Variants in IGSF3 observed in about 807,000 individuals in gnomAD.
The protein encoded by IGSF3 is glu-Trp-Ile EWI motif-containing protein 3.
A neutral mutation model predicts 114.4 loss-of-function variants in IGSF3; 23 were observed. That is an observed-to-expected ratio of 0.20 (90% CI 0.14 to 0.28). The LOEUF is 0.28. IGSF3 is among the 10% of genes least tolerant of loss of function. The pLI, the probability that IGSF3 is intolerant of heterozygous loss-of-function variation, is 1.00. For missense variants in IGSF3, 1,172 were observed against 1,591.5 expected (o/e 0.74, Z 4.48); for synonymous variants, 571 against 645.2 (o/e 0.88, Z 1.74).
In IGSF3 at chr1:116,592,924, C is replaced by G. The variant is rs1334767372; in HGVS notation, c.2030-3820G>C. On this transcript the variant is annotated intron_variant, in intron 7 of 10. Coordinates refer to ENST00000369486, the MANE Select transcript of IGSF3 (RefSeq NM_001007237.3). This position sits in a 1 kb window ranked among gnomAD's most constrained non-coding sequence, Gnocchi z 4.5. ...GAGAACATTTCAAAAGGTATATGGCCCCTGAGCTAGGCCCTGAGAAACAAG... is the reference window on the plus strand; with the variant it reads ...GAGAACATTTCAAAAGGTATATGGCGCCTGAGCTAGGCCCTGAGAAACAAG... Among the ~76,000 whole-genome samples, 1 of 152,016 alleles carries G rather than the reference C, an allele frequency of 6.6e-6. No individual in the cohort carries two copies. The highest frequency in any genetic ancestry group is 1.5e-5 in the Non-Finnish European group (1 of 68,014).
At position 116,627,855 on chromosome 1, in the gene IGSF3, A is replaced by G. The variant is rs1647368895; in HGVS notation, c.44-11398T>C. Among the ~76,000 whole-genome samples the G allele has an allele frequency of 6.6e-6, 1 of 152,202 alleles. No homozygotes were observed. Among genetic ancestry groups the G allele is most frequent in the South Asian group, 2.1e-4 (1 of 4,832 alleles). On this transcript the variant is annotated intron_variant, in intron 2 of 10. Transcript: ENST00000369486. The surrounding 1 kb of genome is among the most constrained non-coding windows in gnomAD (Gnocchi z 4.7). ...AGAAAATGGGGCTGCCTAGCTAGGA[A>G]TGCCCAGGCAGTGAATTGGGGTCTC... is the stretch of plus-strand genomic sequence containing the variant.
At position 116,585,073 on chromosome 1, in the gene IGSF3, C is replaced by T. The variant is rs369370630; in HGVS notation, c.2441-21G>A. Reference sequence around the variant, plus strand: ...GCTGTCTGGAACAGTAAGGAAGAGACGTCAGCGACAAAAGGACAACAAGCA... The same window carrying T: ...GCTGTCTGGAACAGTAAGGAAGAGATGTCAGCGACAAAAGGACAACAAGCA... On this transcript the variant is annotated intron_variant, in intron 8 of 10. Coordinates refer to ENST00000369486, the MANE Select transcript of IGSF3 (RefSeq NM_001007237.3). This position sits in a 1 kb window ranked among gnomAD's most constrained non-coding sequence, Gnocchi z 4.9. The T allele has an allele frequency of 2.7e-5, 41 of 1,502,298 alleles. No homozygotes were observed. The African/African-American group carries it at 3.4e-4, about 12-fold the overall frequency. The allele number at this position is 1,502,298 out of a possible 1,614,324, so 93.1% of individuals were successfully genotyped here.
In IGSF3 at chr1:116,658,878, A is replaced by T. The variant is rs189583766; in HGVS notation, c.43+7406T>A. Reference sequence around the variant, plus strand: ...CTCCTGTCCATTTGCAAATTGATTGACTGTTTCATTGCTGGCCTTGGATGA... The same window carrying T: ...CTCCTGTCCATTTGCAAATTGATTGTCTGTTTCATTGCTGGCCTTGGATGA... On this transcript the variant is annotated intron_variant, in intron 2 of 10. Transcript: ENST00000369486. Among the ~76,000 whole-genome samples, 88 of 152,160 alleles carry T rather than the reference A, an allele frequency of 5.8e-4. 1 individual carries two copies. The highest frequency in any genetic ancestry group is 1.8e-3 in the African/African-American group (76 of 41,488).
rs1383342720 is a variant in IGSF3 at position 116,665,972 on chromosome 1, A to G, written c.43+312T>C. Among the ~76,000 whole-genome samples the G allele has an allele frequency of 6.6e-6, 1 of 152,230 alleles. No individual in the cohort carries two copies. The highest frequency in any genetic ancestry group is 1.9e-4 in the East Asian group (1 of 5,194). On this transcript the variant is annotated intron_variant, in intron 2 of 10. Transcript: ENST00000369486. This position sits in a 1 kb window ranked among gnomAD's most constrained non-coding sequence, Gnocchi z 4.0. ...GAGCATCCATGTTTGACATGCTACAAGACAGCAGCCCACCAGCCATGTGAA... is the reference window on the plus strand; with the variant it reads ...GAGCATCCATGTTTGACATGCTACAGGACAGCAGCCCACCAGCCATGTGAA...
chr1:116,666,169 G>A, intron 2 of IGSF3, 115 bp downstream of exon 2: 1 of 982,586 alleles, frequency 1.0e-6, no homozygotes, highest in South Asian at 1.3e-5. Context: ...CACACCGACC[G>A]CCTCCTGGTG....
In IGSF3 at chr1:116,603,004, G is replaced by A. The variant is rs1256947273; in HGVS notation, c.1624+620C>T. 6.6e-6 allele frequency among the ~76,000 whole-genome samples: 1 copy of A among 152,190 alleles called. No homozygotes were observed. Among genetic ancestry groups the A allele is most frequent in the African/African-American group, 2.4e-5 (1 of 41,446 alleles). On this transcript the variant is annotated intron_variant, in intron 6 of 10. Transcript: ENST00000369486. The surrounding 1 kb of genome is among the most constrained non-coding windows in gnomAD (Gnocchi z 7.1). ...GTAGAAACTTCTAGCCTTAGGCAAA[G>A]TATTTAATGTGTCTCAGTCTCAGTT...
rs1009872724 is a variant in IGSF3, at chr1:116,628,677, C to T, written c.44-12220G>A. Reference sequence around the variant, plus strand: ...ATAAATACTGAGAGCACTGACACTGCTTCTGGGGGTTTTCCCAAGCACGTG... The same window carrying T: ...ATAAATACTGAGAGCACTGACACTGTTTCTGGGGGTTTTCCCAAGCACGTG... On this transcript the variant is annotated intron_variant, in intron 2 of 10. Transcript: ENST00000369486. This position sits in a 1 kb window ranked among gnomAD's most constrained non-coding sequence, Gnocchi z 4.2. 2.6e-5 allele frequency among the ~76,000 whole-genome samples: 4 copies of T among 152,144 alleles called. No individual in the cohort carries two copies. The highest frequency in any genetic ancestry group is 9.7e-5 in the African/African-American group (4 of 41,434).
rs78995719 is a variant in IGSF3 at position 116,608,463 on chromosome 1, A to G, written c.833-132T>C. On this transcript the variant is annotated intron_variant, in intron 4 of 10. Coordinates refer to ENST00000369486, the MANE Select transcript of IGSF3 (RefSeq NM_001007237.3). ...AACTGCGGGGAGGACCACAGCACTT[A>G]GCTTGAGAGTAAAATCCAACTCAGA... 22 of 704,086 alleles carry G rather than the reference A, an allele frequency of 3.1e-5. No homozygotes were observed. In the East Asian group the frequency reaches 4.6e-4, roughly 15 times the overall value. The allele number at this position is 704,086 out of a possible 1,614,324, so 43.6% of individuals were successfully genotyped here.
chr1:116,621,863 T>A (rs1661431094), intron 2 of IGSF3, among the ~76,000 whole-genome samples: 1 of 152,216 alleles, frequency 6.6e-6, no homozygotes, highest in Non-Finnish European at 1.5e-5. Context: ...ACCACTTAAC[T>A]AGTTTTTCAA....
chr1:116,587,023 C>T (rs543610956), intron 8 of IGSF3, among the ~76,000 whole-genome samples: 1 of 151,644 alleles, frequency 6.6e-6, no homozygotes, highest in Non-Finnish European at 1.5e-5. Flanking sequence ...ATATAATAAC[C>T]TCAGGCAAAG....
Position 116,589,170 on chromosome 1 carries a change from G to C in IGSF3, c.2030-66C>G. 6.8e-7 allele frequency: 1 copy of C among 1,478,212 alleles called. No individual in the cohort carries two copies. The highest frequency in any genetic ancestry group is 1.8e-5 in the Admixed American group (1 of 54,686). 91.6% of individuals were successfully genotyped at this position (1,478,212 alleles called of 1,614,324 possible). ...CAGAAACGTGGCCCATCCACCTCCA[G>C]GCTCTGAGCCAGGTTTCCTCCAGCA... is the stretch of plus-strand genomic sequence containing the variant. On this transcript the variant is annotated intron_variant, in intron 7 of 10. Coordinates refer to ENST00000369486, the MANE Select transcript of IGSF3 (RefSeq NM_001007237.3). The surrounding 1 kb of genome is among the most constrained non-coding windows in gnomAD (Gnocchi z 5.7).
At position 116,666,756 on chromosome 1, in the gene IGSF3, G is replaced by T. The variant is rs758969450; in HGVS notation, c.-430C>A. 9.1e-6 allele frequency: 4 copies of T among 440,720 alleles called. No individual in the cohort carries two copies. The highest frequency in any genetic ancestry group is 2.0e-5 in the African/African-American group (1 of 49,258). The allele number at this position is 440,720 out of a possible 1,614,324, so 27.3% of individuals were successfully genotyped here. On this transcript the variant is annotated 5_prime_UTR_variant, in exon 2 of 11. Coordinates refer to ENST00000369486, the MANE Select transcript of IGSF3 (RefSeq NM_001007237.3). The stretch of plus-strand genomic sequence containing the variant: ...CTCCCTCATTCGGATTCCCCAGAGA[G>T]AACAGGGCAGGTTTCGTCAAAACCT...
At chr1:116,631,317 C>CAAAAA (rs939848949) in intron 2 of IGSF3, among the ~76,000 whole-genome samples, 5 of 46,088 alleles carry the variant, frequency 1.1e-4, no homozygotes, top group African/African-American at 2.6e-4. Context: ...GACGCTGTCT[C>CAAAAA]AAAAAAAAAA....
rs1659299612 is a variant in IGSF3, at chr1:116,575,279, G to T, written c.*2033C>A. 2 of 152,640 alleles carry T rather than the reference G, an allele frequency of 1.3e-5. No homozygotes were observed. Among genetic ancestry groups the T allele is most frequent in the Admixed American group, 6.5e-5 (1 of 15,286 alleles). 9.5% of individuals were successfully genotyped at this position (152,640 alleles called of 1,614,324 possible). A position where few individuals can be genotyped will look rare whatever the true frequency, so the allele number is the denominator to read the frequency against. ...CCTGTACCTCTAATGTGTTGATGCA[G>T]CATAATAAATGAGAATCAGCATGTC... On this transcript the variant is annotated 3_prime_UTR_variant, in exon 11 of 11. Coordinates refer to ENST00000369486, the MANE Select transcript of IGSF3 (RefSeq NM_001007237.3). This position sits in a 1 kb window ranked among gnomAD's most constrained non-coding sequence, Gnocchi z 5.6.
Position 116,633,420 on chromosome 1 carries a change from A to G in IGSF3, c.44-16963T>C, listed in dbSNP as rs930280630. On this transcript the variant is annotated intron_variant, in intron 2 of 10. Transcript: ENST00000369486. This position sits in a 1 kb window ranked among gnomAD's most constrained non-coding sequence, Gnocchi z 4.3. The stretch of plus-strand genomic sequence containing the variant: ...CTGATTCCCTATAAGCAAAATTTTA[A>G]AATTTTTTTTAAAGAAGAAAAACAC... Among the ~76,000 whole-genome samples the G allele has an allele frequency of 1.3e-5, 2 of 152,212 alleles. No individual in the cohort carries two copies. The highest frequency in any genetic ancestry group is 4.8e-5 in the African/African-American group (2 of 41,452).
chr1:116,636,526 C>T lies in IGSF3; in HGVS notation c.44-20069G>A, dbSNP rs1181065494. ...CCCCAGCTCCTAGAATGGTGTGTGG[C>T]ACCTGAACAGACCTCAAAAATATTA... On this transcript the variant is annotated intron_variant, in intron 2 of 10. Coordinates refer to ENST00000369486, the MANE Select transcript of IGSF3 (RefSeq NM_001007237.3). This position sits in a 1 kb window ranked among gnomAD's most constrained non-coding sequence, Gnocchi z 4.5. Among the ~76,000 whole-genome samples, 1 of 152,184 alleles carries T rather than the reference C, an allele frequency of 6.6e-6. No homozygotes were observed. Among genetic ancestry groups the T allele is most frequent in the African/African-American group, 2.4e-5 (1 of 41,452 alleles).
chr1:116,658,643 C>T (rs137912257), intron 2 of IGSF3, among the ~76,000 whole-genome samples: 99 of 152,268 alleles, frequency 6.5e-4, no homozygotes, highest in African/African-American at 2.3e-3. Context: ...TATCCTCTAC[C>T]CCACAATTCC....
rs1293435614 is a variant in IGSF3, at chr1:116,662,802, A to G, written c.43+3482T>C. ...CCCTTCTTTCAGAACCCTTCTCCTG[A>G]TTGCTCCAAACCATCTCACTTTTCT... On this transcript the variant is annotated intron_variant, in intron 2 of 10. Transcript: ENST00000369486. This position sits in a 1 kb window ranked among gnomAD's most constrained non-coding sequence, Gnocchi z 4.3. Among the ~76,000 whole-genome samples, 1 of 152,084 alleles carries G rather than the reference A, an allele frequency of 6.6e-6. No individual in the cohort carries two copies. The highest frequency in any genetic ancestry group is 1.5e-5 in the Non-Finnish European group (1 of 68,022).
Position 116,583,698 on chromosome 1 carries a change from G to A in IGSF3, c.2848+947C>T, listed in dbSNP as rs1330404040. Among the ~76,000 whole-genome samples the A allele has an allele frequency of 2.0e-5, 3 of 152,278 alleles. No individual in the cohort carries two copies. The highest frequency in any genetic ancestry group is 4.8e-5 in the African/African-American group (2 of 41,570). On this transcript the variant is annotated intron_variant, in intron 9 of 10. Coordinates refer to ENST00000369486, the MANE Select transcript of IGSF3 (RefSeq NM_001007237.3). This position sits in a 1 kb window ranked among gnomAD's most constrained non-coding sequence, Gnocchi z 4.5. ...CCTCCAGGTCCTTACAGGAACCATCGACTTTTCATTCTAATATGAATGGAT... is the reference window on the plus strand; with the variant it reads ...CCTCCAGGTCCTTACAGGAACCATCAACTTTTCATTCTAATATGAATGGAT...
Sources: allele counts gnomAD v4.1 joint callset (sites outside exome capture counted in the v4.1 genomes callset), GRCh38; gene constraint gnomAD v4.1.1; non-coding constraint Gnocchi (gnomAD v3.1); transcripts MANE v1.5; gene names NCBI Gene and HGNC (gene_info 2026-07-23, HGNC 2026-07-21).